Variants in GLI2 observed in about 807,000 individuals in gnomAD.
GLI2 encodes the protein transcription activator GLI2.
Under a neutral mutation model 78.9 loss-of-function variants are expected in GLI2, and 22 were observed. The observed-to-expected ratio is 0.28, with a 90% CI of 0.20 to 0.40. GLI2 has a LOEUF of 0.40. GLI2 is among the 10% of genes least tolerant of loss of function. The pLI, the probability that GLI2 is intolerant of heterozygous loss-of-function variation, is 1.00. For missense variants in GLI2, 2,097 were observed against 2,213.2 expected, an observed-to-expected ratio of 0.95 and a Z score of 1.05; for synonymous variants, 974 against 963.7, an observed-to-expected ratio of 1.01 and a Z score of -0.20.
chr2:120,914,039 A>G (rs981242468), intron 2 of GLI2, among the ~76,000 whole-genome samples: 1 of 152,256 alleles, frequency 6.6e-6, no homozygotes, highest in South Asian at 2.1e-4. Flanking sequence ...CTAGTTAAGT[A>G]CACAGAATGG....
At chr2:120,788,572 C>T (rs1041992154) in intron 1 of GLI2, among the ~76,000 whole-genome samples, 1 of 152,232 alleles carries the variant, frequency 6.6e-6, no homozygotes, top group African/African-American at 2.4e-5. Context: ...GCTGGCTGCC[C>T]CTGGAGGGGC....
At chr2:120,950,452 G>A (rs920062120) in intron 3 of GLI2, among the ~76,000 whole-genome samples, 2 of 152,180 alleles carry the variant, frequency 1.3e-5, no homozygotes, top group East Asian at 1.9e-4. Context: ...CCTGACATAA[G>A]GGCCTGAGGT....
chr2:120,761,019 G>A (rs2104644875), intron 1 of GLI2, among the ~76,000 whole-genome samples: 1 of 152,288 alleles, frequency 6.6e-6, no homozygotes, highest in Admixed American at 6.5e-5. Flanking sequence ...GGGCCTGGAT[G>A]CACCTTGGGG....
At chr2:120,920,460 A>T (rs1445212743) in intron 2 of GLI2, among the ~76,000 whole-genome samples, 1 of 152,150 alleles carries the variant, frequency 6.6e-6, no homozygotes, top group Non-Finnish European at 1.5e-5. Flanking sequence ...TGGGGCATTA[A>T]CTTGAGCCAG....
chr2:120,865,761 C>T (rs749173202), intron 2 of GLI2, among the ~76,000 whole-genome samples: 1 of 152,218 alleles, frequency 6.6e-6, no homozygotes, highest in East Asian at 1.9e-4. Flanking sequence ...TGCTGTATGC[C>T]GTGGGGAGGG....
At chr2:120,971,268 G>A (rs185326008) in intron 7 of GLI2, among the ~76,000 whole-genome samples, 445 of 152,328 alleles carry the variant, frequency 2.9e-3, no homozygotes, top group African/African-American at 0.01. Context: ...TGTGTGCAGA[G>A]CCCCCATAGG....
chr2:120,988,562 C>T lies in GLI2; in HGVS notation c.2597C>T (p.Pro866Leu), dbSNP rs1488068671. Residue 866 changes from proline (P) to leucine (L), a missense_variant, in exon 14 of 14, where the codon CCG (proline) becomes CTG (leucine). This residue lies in a region of GLI2 where 1,290 missense variants were observed against 1,261.7 expected (regional missense o/e 1.02). Coordinates refer to ENST00000361492, the MANE Select transcript of GLI2 (RefSeq NM_001374353.1). ...GGCTCCGGGCTGCTCAACCTCACGC[C>T]GGCGCAGCAGTACAGCCTGCGGGCC... ...SGGSGLLNLTPAQQYSLRAKY... is the reference protein window; with the variant it reads ...SGGSGLLNLTLAQQYSLRAKY... 4.0e-6 allele frequency: 6 copies of T among 1,499,500 alleles called. No homozygotes were observed. Among genetic ancestry groups the T allele is most frequent in the South Asian group, 1.2e-5 (1 of 80,808 alleles). 92.9% of individuals were successfully genotyped at this position (1,499,500 alleles called of 1,614,324 possible). A position where few individuals can be genotyped will look rare whatever the true frequency, so the allele number is the denominator to read the frequency against.
intron 2 of GLI2, among the ~76,000 whole-genome samples, chr2:120,895,855 G>A (rs1573556197): frequency 6.6e-6 from 1 of 152,182 alleles, no homozygotes; most frequent in Non-Finnish European, 1.5e-5. Flanking sequence ...TTTTTAAAAG[G>A]AAAGGTTTGA....
intron 5 of GLI2, among the ~76,000 whole-genome samples, chr2:120,961,018 G>T (rs551715272): frequency 6.6e-6 from 1 of 152,256 alleles, no homozygotes; most frequent in Admixed American, 6.5e-5. Context: ...GAATTCACTG[G>T]TTGTCACCCG....
At position 120,855,754 on chromosome 2, in the gene GLI2, G is replaced by T. The variant is rs891351434; in HGVS notation, c.148+58286G>T. ...CCATAATCCTCACTGGACAGTGGGGGAAATGGAGACCACAGAGGTGATGTG... is the reference window on the plus strand; with the variant it reads ...CCATAATCCTCACTGGACAGTGGGGTAAATGGAGACCACAGAGGTGATGTG... On this transcript the variant is annotated intron_variant, in intron 2 of 13. Transcript: ENST00000361492. Among the ~76,000 whole-genome samples the T allele has an allele frequency of 2.6e-5, 4 of 152,172 alleles. No homozygotes were observed. The South Asian group carries it at 8.3e-4, about 31-fold the overall frequency.
At chr2:120,806,163 A>G (rs919728789) in intron 2 of GLI2, among the ~76,000 whole-genome samples, 3 of 151,552 alleles carry the variant, frequency 2.0e-5, no homozygotes, top group Admixed American at 1.3e-4. Flanking sequence ...GGAGGGGGGG[A>G]AAGAGATAAT....
At chr2:120,802,391 G>A (rs1490951233) in intron 2 of GLI2, among the ~76,000 whole-genome samples, 1 of 152,212 alleles carries the variant, frequency 6.6e-6, no homozygotes, top group African/African-American at 2.4e-5. Flanking sequence ...CAGAAGCCTG[G>A]GAGGGCGAGT....
chr2:120,880,022 G>A (rs1305060049), intron 2 of GLI2, among the ~76,000 whole-genome samples: 1 of 152,152 alleles, frequency 6.6e-6, no homozygotes, highest in Non-Finnish European at 1.5e-5. Flanking sequence ...GGAATAAATC[G>A]GTGTGGCCAG....
chr2:120,988,990 C>G lies in GLI2; in HGVS notation c.3025C>G (p.Pro1009Ala). Residue 1009 changes from proline (P) to alanine (A), a missense_variant, in exon 14 of 14, where the codon CCC becomes GCC. Pro to Ala is a conservative substitution (Grantham distance 27, BLOSUM62 -1). Coordinates refer to ENST00000361492, the MANE Select transcript of GLI2 (RefSeq NM_001374353.1). ...CGGCCTGGCCCGCGGCGCCTACTCG[C>G]CCCGGCCGCCTAGCATCAGCGAGAA... is the stretch of plus-strand genomic sequence containing the variant. ...DGGLARGAYS[P>A]RPPSISENVA... 6.3e-7 allele frequency: 1 copy of G among 1,583,138 alleles called. No individual in the cohort carries two copies.
chr2:120,880,084 G>A (rs1254056963), intron 2 of GLI2, among the ~76,000 whole-genome samples: 1 of 152,164 alleles, frequency 6.6e-6, no homozygotes, highest in African/African-American at 2.4e-5. Context: ...TGTTAAACTG[G>A]GCTGTGTCTG....
At chr2:120,877,204 C>T (rs1688797386) in intron 2 of GLI2, among the ~76,000 whole-genome samples, 1 of 152,204 alleles carries the variant, frequency 6.6e-6, no homozygotes, top group African/African-American at 2.4e-5. Flanking sequence ...CCCAGCTTGC[C>T]TATCACACCA....
intron 2 of GLI2, among the ~76,000 whole-genome samples, chr2:120,825,390 C>T (rs1379796418): frequency 2.0e-5 from 3 of 151,656 alleles, no homozygotes; most frequent in Admixed American, 6.6e-5. Flanking sequence ...TGTGAATGCG[C>T]CTGGCTGTGA....
In GLI2 at chr2:120,982,689, TTGAC is replaced by T. The variant is rs758452219; in HGVS notation, c.1468-19_1468-16del. 12 of 1,596,576 alleles carry T rather than the reference TTGAC, an allele frequency of 7.5e-6. No homozygotes were observed. The East Asian group carries it at 2.2e-4, about 30-fold the overall frequency. The stretch of plus-strand genomic sequence containing the variant: ...TCAAGGTTGGGCCCCCTGGGGTGCC[TTGAC>T]TGACTGAACCGCCTCCTTCTAGTTC... On this transcript the variant is annotated intron_variant, in intron 10 of 13. Coordinates refer to ENST00000361492, the MANE Select transcript of GLI2 (RefSeq NM_001374353.1).
chr2:120,964,443 A>C (rs955557804), intron 5 of GLI2, among the ~76,000 whole-genome samples: 1 of 152,200 alleles, frequency 6.6e-6, no homozygotes, highest in Non-Finnish European at 1.5e-5. Flanking sequence ...AGCACTGTGG[A>C]TTGGACAGCT....
Sources: gnomAD v4.1 joint callset for allele counts (sites outside exome capture counted in the v4.1 genomes callset) on GRCh38, gnomAD v4.1.1 for gene constraint, gnomAD v4.1.1 regional missense constraint, MANE v1.5 for transcripts, NCBI Gene and HGNC (gene_info 2026-07-23, HGNC 2026-07-21) for gene names.